The following NRXN1 variants were observed in gnomAD, a reference collection of about 807,000 sequenced individuals.
NRXN1 encodes the protein neurexin 1, also known as neurexin-1.
NRXN1 carries 39 observed loss-of-function variants against 150.9 expected under a neutral mutation model. That is an observed-to-expected ratio of 0.26 (90% CI 0.20 to 0.34). The LOEUF (loss-of-function observed/expected upper bound fraction) is 0.34. Ranked by LOEUF, NRXN1 falls within the 10% of genes least tolerant of loss-of-function variation. The pLI is 1.00. For missense variants in NRXN1, 1,815 were observed against 1,949.9 expected, an observed-to-expected ratio of 0.93 and a Z score of 1.30; for synonymous variants, 924 against 757.0, an observed-to-expected ratio of 1.22 and a Z score of -3.62.
chr2:50,314,351 T>C (rs543689482), intron 17 of NRXN1, among the ~76,000 whole-genome samples: 1 of 152,064 alleles, frequency 6.6e-6, no homozygotes, highest in African/African-American at 2.4e-5. Context: ...AAAAACAACA[T>C]GAAACAAACA....
rs558906840 is a variant in NRXN1, at chr2:50,415,192, TC to T, written c.3364+50249del. 6.7e-3 allele frequency among the ~76,000 whole-genome samples: 1,027 copies of T among 152,276 alleles called. 7 individuals are homozygous for T. The highest frequency in any genetic ancestry group is 0.017 in the Middle Eastern group (5 of 294). ...GAAGATAATCATTACTAACTGAAGG[TC>T]TTTCTATAAAATAAAAATAACAAGG... On this transcript the variant is annotated intron_variant, in intron 17 of 22. Transcript: ENST00000401669.
intron 19 of NRXN1, among the ~76,000 whole-genome samples, chr2:50,067,470 A>G (rs1261635399): frequency 6.6e-6 from 1 of 152,238 alleles, no homozygotes; most frequent in Non-Finnish European, 1.5e-5. Context: ...CTACACCTTT[A>G]AATGCTGTTT....
At position 50,481,967 on chromosome 2, in the gene NRXN1, A is replaced by G. The variant is rs1047959370; in HGVS notation, c.3071-9496T>C. Among the ~76,000 whole-genome samples the G allele has an allele frequency of 1.4e-5, 2 of 145,858 alleles. 1 individual carries two copies. The highest frequency in any genetic ancestry group is 5.4e-5 in the African/African-American group (2 of 36,966). ...GTATTTTTAGTAGAGACGGGGTTTC[A>G]CCGTTTTAGCCGGGATGGTCTCGAT... is the stretch of plus-strand genomic sequence containing the variant. On this transcript the variant is annotated intron_variant, in intron 15 of 22. Transcript: ENST00000401669.
chr2:50,381,685 T>C (rs761764679), intron 17 of NRXN1, among the ~76,000 whole-genome samples: 3 of 152,002 alleles, frequency 2.0e-5, no homozygotes, highest in Non-Finnish European at 2.9e-5. Flanking sequence ...GGAAAAGTAA[T>C]TGTGGTTTTT....
chr2:50,335,853 A>G (rs577866567), intron 17 of NRXN1, among the ~76,000 whole-genome samples: 4 of 151,922 alleles, frequency 2.6e-5, no homozygotes, highest in Middle Eastern at 3.4e-3. Flanking sequence ...TAAAAAGCTC[A>G]GAGGAGTCTA....
chr2:50,621,035 C>A, intron 7 of NRXN1, 191 bp downstream of exon 7: 1 of 531,922 alleles, frequency 1.9e-6, no homozygotes, highest in Non-Finnish European at 3.3e-6. Context: ...CAGAAGTTGA[C>A]AGGAACAGGT....
In NRXN1 at chr2:50,053,571, G is replaced by A. The variant is rs1693112074; in HGVS notation, c.3828C>T (p.Phe1276=). 1 of 1,613,870 alleles carries A rather than the reference G, an allele frequency of 6.2e-7. No individual in the cohort carries two copies. The highest frequency in any genetic ancestry group is 1.3e-5 in the African/African-American group (1 of 74,912). ...CAATTATTATGGTTGCTTGGCTATT[G>A]AAGATTGTGAGCTGACGCCCTGTAA... ...LLDKGRQLTI[F]NSQATIIIGG... Residue 1276 remains phenylalanine, a synonymous_variant, in exon 21 of 23, where the codon TTC becomes TTT. Coordinates refer to ENST00000401669, the MANE Select transcript of NRXN1 (RefSeq NM_001330078.2).
intron 18 of NRXN1, among the ~76,000 whole-genome samples, chr2:50,107,885 T>C (rs879492066): frequency 3.3e-5 from 5 of 151,970 alleles, no homozygotes; most frequent in African/African-American, 4.8e-5. Context: ...GTTTGCTAAA[T>C]ATTGACTAAA....
At chr2:50,530,409 A>G (rs1320778396) in intron 11 of NRXN1, among the ~76,000 whole-genome samples, 2 of 152,198 alleles carry the variant, frequency 1.3e-5, no homozygotes, top group African/African-American at 4.8e-5. Flanking sequence ...TTTCCGTGAT[A>G]AGACTTTCCA....
chr2:50,099,392 A>T (rs960722470), intron 18 of NRXN1, among the ~76,000 whole-genome samples: 7 of 151,984 alleles, frequency 4.6e-5, no homozygotes, highest in Admixed American at 2.6e-4. Context: ...TATAATTCAC[A>T]TATCATAACA....
intron 5 of NRXN1, among the ~76,000 whole-genome samples, chr2:50,797,739 A>G (rs1245785753): frequency 1.3e-5 from 2 of 152,210 alleles, no homozygotes; most frequent in African/African-American, 4.8e-5. Context: ...TGTCAGATAC[A>G]GAGCAAGCAC....
chr2:50,184,226 A>C (rs2060922324), intron 18 of NRXN1, among the ~76,000 whole-genome samples: 1 of 152,026 alleles, frequency 6.6e-6, no homozygotes. Flanking sequence ...TAATAAGCAA[A>C]TCTATATTTT....
At chr2:50,087,582 T>A (rs1698968490) in intron 19 of NRXN1, among the ~76,000 whole-genome samples, 1 of 152,156 alleles carries the variant, frequency 6.6e-6, no homozygotes, top group African/African-American at 2.4e-5. Context: ...TGCATTATAT[T>A]CTAGAGCTTT....
intron 5 of NRXN1, among the ~76,000 whole-genome samples, chr2:50,665,941 T>C (rs1574026068): frequency 6.6e-6 from 1 of 151,918 alleles, no homozygotes; most frequent in Non-Finnish European, 1.5e-5. Context: ...ATATGTAATA[T>C]AAAATATCAT....
chr2:50,168,905 A>G lies in NRXN1; in HGVS notation c.3546+67884T>C, dbSNP rs184887476. Among the ~76,000 whole-genome samples the G allele has an allele frequency of 2.4e-3, 362 of 152,276 alleles. 2 individuals carry two copies. The highest frequency in any genetic ancestry group is 3.0e-3 in the Non-Finnish European group (204 of 68,020). Reference sequence around the variant, plus strand: ...TGCTGTATCCTTTTCTTTCCTCCCCAACACCAACAGTTCACTCGTTCAAAA... The same window carrying G: ...TGCTGTATCCTTTTCTTTCCTCCCCGACACCAACAGTTCACTCGTTCAAAA... On this transcript the variant is annotated intron_variant, in intron 18 of 22. Coordinates refer to ENST00000401669, the MANE Select transcript of NRXN1 (RefSeq NM_001330078.2).
chr2:50,929,876 T>G (rs1687482631), intron 2 of NRXN1, among the ~76,000 whole-genome samples: 1 of 152,038 alleles, frequency 6.6e-6, no homozygotes, highest in South Asian at 2.1e-4. Context: ...CTCAATAGTC[T>G]GGGAATGCTT....
chr2:50,983,820 T>A (rs977355568), intron 2 of NRXN1, among the ~76,000 whole-genome samples: 1 of 152,140 alleles, frequency 6.6e-6, no homozygotes, highest in Non-Finnish European at 1.5e-5. Context: ...TCAAGATACT[T>A]ACTAGGAAGT....
At chr2:50,996,682 A>G (rs1699337991) in intron 2 of NRXN1, among the ~76,000 whole-genome samples, 1 of 152,032 alleles carries the variant, frequency 6.6e-6, no homozygotes, top group African/African-American at 2.4e-5. Flanking sequence ...TCCATATTAC[A>G]TAAATGGGGG....
intron 18 of NRXN1, among the ~76,000 whole-genome samples, chr2:50,109,199 T>G (rs73932939): frequency 0.024 from 3,608 of 152,272 alleles, 143 homozygotes; most frequent in African/African-American, 0.082. Context: ...ACAATGGCAG[T>G]CTGCGAAACA....
Sources: gnomAD v4.1 joint callset for allele counts (sites outside exome capture counted in the v4.1 genomes callset) on GRCh38, gnomAD v4.1.1 for gene constraint, MANE v1.5 for transcripts, NCBI Gene and HGNC (gene_info 2026-07-23, HGNC 2026-07-21) for gene names.